The following ZNF143 variants were observed in gnomAD, a reference collection of about 807,000 sequenced individuals.
ZNF143 encodes the protein SPH-binding factor.
ZNF143 carries 49 observed loss-of-function variants against 74.1 expected under a neutral mutation model. That is an observed-to-expected ratio of 0.66 (90% confidence interval 0.53 to 0.84). The LOEUF (loss-of-function observed/expected upper bound fraction) is 0.84. Among genes scored for constraint, ZNF143 ranks in the 40% least tolerant of loss-of-function variants. The pLI is 0.00. For missense variants in ZNF143, 637 were observed against 793.4 expected (o/e 0.80, Z 2.37); for synonymous variants, 304 against 282.8 (o/e 1.07, Z -0.75).
intron 7 of ZNF143, among the ~76,000 whole-genome samples, chr11:9,480,052 G>C (rs1374577851): frequency 1.3e-5 from 2 of 152,100 alleles, no homozygotes; most frequent in African/African-American, 4.8e-5. Context: ...TTTTCTACCA[G>C]ACTGCTTCCT....
intron 14 of ZNF143, among the ~76,000 whole-genome samples, chr11:9,520,228 G>T (rs934449811): frequency 1.3e-5 from 2 of 150,344 alleles, no homozygotes; most frequent in Non-Finnish European, 3.0e-5. Context: ...TAGAGAGGGG[G>T]TTTCACCATG....
chr11:9,474,550 C>G lies in ZNF143; in HGVS notation c.290C>G (p.Thr97Arg). 1.1e-5 allele frequency: 17 copies of G among 1,613,988 alleles called. No homozygotes were observed. The highest frequency in any genetic ancestry group is 1.4e-5 in the Non-Finnish European group (16 of 1,179,954). The change falls in exon 5 of 16, where the codon ACA (threonine) becomes AGA (arginine). Residue 97 changes from threonine to arginine, a missense_variant and splice_region_variant. Physicochemically the swap from Thr to Arg is moderately conservative, Grantham distance 71. Transcript: ENST00000396602. ...YVQHVPIPKSTGDSLRLEDGQ... is the reference protein window; with the variant it reads ...YVQHVPIPKSRGDSLRLEDGQ... ...TCTAAATGTAAGCATTGTTCTTGAGCAGGGGACAGTTTGCGTCTAGAGGAT... is the reference window on the plus strand; with the variant it reads ...TCTAAATGTAAGCATTGTTCTTGAGGAGGGGACAGTTTGCGTCTAGAGGAT...
intron 11 of ZNF143, among the ~76,000 whole-genome samples, chr11:9,504,121 C>T (rs1780624342): frequency 6.6e-6 from 1 of 151,396 alleles, no homozygotes; most frequent in African/African-American, 2.4e-5. Context: ...CCACCACACC[C>T]AGCTAATTTT....
intron 14 of ZNF143, among the ~76,000 whole-genome samples, chr11:9,519,373 G>A (rs187301175): frequency 3.9e-5 from 6 of 152,048 alleles, no homozygotes; most frequent in East Asian, 3.9e-4. Context: ...CTCGAACTCC[G>A]GACCTCAAGT....
At position 9,478,059 on chromosome 11, in the gene ZNF143, C is replaced by T. The variant is rs1847085552; in HGVS notation, c.374-331C>T. On this transcript the variant is annotated intron_variant, in intron 5 of 15. Coordinates refer to ENST00000396602, the MANE Select transcript of ZNF143 (RefSeq NM_003442.6). The stretch of plus-strand genomic sequence containing the variant: ...GCCAGGATGGTCTCAATCTCCTGAC[C>T]TCGTGATCCGCCCGCCTCGGCCTCC... 2.6e-5 allele frequency among the ~76,000 whole-genome samples: 4 copies of T among 152,212 alleles called. No individual in the cohort carries two copies. In the South Asian group the frequency reaches 8.3e-4, roughly 32 times the overall value.
chr11:9,491,279 A>T (rs1027232803), intron 7 of ZNF143, among the ~76,000 whole-genome samples: 3 of 151,906 alleles, frequency 2.0e-5, no homozygotes, highest in East Asian at 3.9e-4. Flanking sequence ...AGTTTTTGAG[A>T]CAGGGTCTTG....
chr11:9,499,700 A>G (rs1264585728), intron 10 of ZNF143, among the ~76,000 whole-genome samples: 1 of 152,176 alleles, frequency 6.6e-6, no homozygotes, highest in Non-Finnish European at 1.5e-5. Flanking sequence ...TGAGCAACAT[A>G]GTGAGACTCA....
At position 9,527,607 on chromosome 11, in the gene ZNF143, T is replaced by G; in HGVS notation, c.1911T>G (p.Asp637Glu). ...RIQQGETPGL[D>E]D The stretch of plus-strand genomic sequence containing the variant: ...AACAAGGAGAAACGCCAGGGTTGGA[T>G]GATTAATCCTCAGAACAATGGAGCA... The change falls in exon 16 of 16, where the codon GAT becomes GAG. Residue 637 changes from aspartate (D) to glutamate (E), a missense_variant. Asp to Glu is a conservative substitution (Grantham distance 45, BLOSUM62 2). Around this residue, in one of 2 missense-constraint regions of ZNF143, gnomAD observed 344 missense variants for 485.6 expected, o/e 0.71. Coordinates refer to ENST00000396602, the MANE Select transcript of ZNF143 (RefSeq NM_003442.6). The G allele has an allele frequency of 6.2e-7, 1 of 1,613,828 alleles. No individual in the cohort carries two copies.
intron 14 of ZNF143, among the ~76,000 whole-genome samples, chr11:9,519,215 A>G (rs1256845414): frequency 1.4e-5 from 2 of 146,500 alleles, no homozygotes; most frequent in Non-Finnish European, 3.0e-5. Context: ...AGTTTTGCCT[A>G]TTTTTTTTTT....
intron 8 of ZNF143, among the ~76,000 whole-genome samples, chr11:9,495,668 C>T (rs1847933403): frequency 6.6e-6 from 1 of 152,212 alleles, no homozygotes; most frequent in African/African-American, 2.4e-5. Flanking sequence ...TTTTCCTCAT[C>T]TATAAAATTG....
rs759836848 is a variant in ZNF143, at chr11:9,461,047, C to G, written c.-37C>G. 29 of 985,306 alleles carry G rather than the reference C, an allele frequency of 2.9e-5. No individual in the cohort carries two copies. Among genetic ancestry groups the G allele is most frequent in the Non-Finnish European group, 3.4e-5 (28 of 829,968 alleles). 61.0% of individuals were successfully genotyped at this position (985,306 alleles called of 1,614,324 possible). A position where few individuals can be genotyped will look rare whatever the true frequency, so the allele number is the denominator to read the frequency against. On this transcript the variant is annotated 5_prime_UTR_variant, in exon 1 of 16. Coordinates refer to ENST00000396602, the MANE Select transcript of ZNF143 (RefSeq NM_003442.6). The stretch of plus-strand genomic sequence containing the variant: ...CCTGTCCTGGTGCATGGTGGTCGGA[C>G]GAAGGAATTGTTGGAAAATTTTCTC...
At chr11:9,507,344 C>T (rs1488724078) in intron 11 of ZNF143, among the ~76,000 whole-genome samples, 2 of 152,110 alleles carry the variant, frequency 1.3e-5, no homozygotes, top group Non-Finnish European at 2.9e-5. Context: ...GTTTTTCTTC[C>T]CCCATTCCAT....
At chr11:9,504,761 G>A (rs1848295234) in intron 11 of ZNF143, among the ~76,000 whole-genome samples, 4 of 109,012 alleles carry the variant, frequency 3.7e-5, no homozygotes, top group Non-Finnish European at 6.2e-5. Context: ...TGCAACCTCC[G>A]CCTCCTGGGT....
At chr11:9,486,414 TATATATTATATATATTATATATATA>T (rs1847525319) in intron 7 of ZNF143, among the ~76,000 whole-genome samples, 4 of 24,030 alleles carry the variant, frequency 1.7e-4, no homozygotes, top group East Asian at 1.7e-3. Context: ...ATATATATAA[TATATATTATATATATTATATATATA>T]ATATATTATA....
At chr11:9,511,729 ACTGTGC>A (rs1320962078) in intron 12 of ZNF143, among the ~76,000 whole-genome samples, 5 of 148,218 alleles carry the variant, frequency 3.4e-5, no homozygotes. Flanking sequence ...GGTGTGAGCC[ACTGTGC>A]CTGGCCTTTA....
chr11:9,525,108 C>T, intron 14 of ZNF143, 132 bp from the exon 15 acceptor site: 1 of 1,064,994 alleles, frequency 9.4e-7, no homozygotes, highest in Non-Finnish European at 1.3e-6. Context: ...TCAATATAGG[C>T]TTTGACAAGT....
intron 1 of ZNF143, among the ~76,000 whole-genome samples, chr11:9,469,693 G>A (rs767836660): frequency 1.3e-5 from 2 of 151,786 alleles, no homozygotes; most frequent in African/African-American, 4.8e-5. Context: ...TTAAATGTGC[G>A]TGCCACCACA....
chr11:9,478,317 CTCTTCCT>C (rs1847099150), intron 5 of ZNF143, 66 bp from the exon 6 acceptor site: 1 of 1,504,664 alleles, frequency 6.6e-7, no homozygotes, highest in South Asian at 1.2e-5. Flanking sequence ...GCTCATTTCT[CTCTTCCT>C]TTAAATATGT....
intron 14 of ZNF143, among the ~76,000 whole-genome samples, chr11:9,523,236 A>C (rs1042467751): frequency 9.9e-5 from 15 of 151,872 alleles, no homozygotes; most frequent in African/African-American, 2.7e-4. Context: ...GGTCTGTTTC[A>C]GTGTTGCTAT....
Sources: gnomAD v4.1 joint callset for allele counts (sites outside exome capture counted in the v4.1 genomes callset) on GRCh38, gnomAD v4.1.1 for gene constraint, gnomAD v4.1.1 regional missense constraint, MANE v1.5 for transcripts, NCBI Gene and HGNC (gene_info 2026-07-23, HGNC 2026-07-21) for gene names.